TTC7A: variants seen among roughly 807,000 people sequenced by gnomAD.
TTC7A encodes the protein tetratricopeptide repeat domain 7A.
TTC7A carries 110 observed loss-of-function variants against 103.7 expected under a neutral mutation model. That is an observed-to-expected ratio of 1.06 (90% confidence interval 0.91 to 1.24). TTC7A has a LOEUF of 1.24. Ranked by LOEUF, TTC7A falls within the 50% of genes most tolerant of loss-of-function variation. TTC7A has a pLI of 0.00. For missense variants in TTC7A, 1,340 were observed against 1,116.3 expected, an observed-to-expected ratio of 1.20 and a Z score of -2.86; for synonymous variants, 521 against 467.9, an observed-to-expected ratio of 1.11 and a Z score of -1.47.
intron 15 of TTC7A, among the ~76,000 whole-genome samples, chr2:47,032,961 G>T (rs1387948241): frequency 6.7e-6 from 1 of 149,860 alleles, no homozygotes; most frequent in African/African-American, 2.5e-5. Flanking sequence ...TCCATGTACC[G>T]CCAGACTATG....
chr2:46,978,562 T>TAAAAAAAAAAAAAA (rs74444627), intron 4 of TTC7A, among the ~76,000 whole-genome samples: 19 of 132,760 alleles, frequency 1.4e-4, no homozygotes, highest in Middle Eastern at 3.9e-3. Flanking sequence ...CCCTGTTTCT[T>TAAAAAAAAAAAAAA]AAAAAAAAAA....
At chr2:46,939,971 C>T (rs1670198757), upstream of TTC7A, among the ~76,000 whole-genome samples, 2 of 152,132 alleles carry the variant, frequency 1.3e-5, no homozygotes, top group Admixed American at 1.3e-4. Flanking sequence ...CAGAGCAGCA[C>T]CCACCGTTAG....
intron 19 of TTC7A, among the ~76,000 whole-genome samples, chr2:47,066,979 C>G (rs1684231462): frequency 6.6e-6 from 1 of 152,216 alleles, no homozygotes; most frequent in Non-Finnish European, 1.5e-5. Context: ...TTCTTGCTGC[C>G]TCATCCCATG....
chr2:47,046,061 C>T (rs184736621), intron 15 of TTC7A, among the ~76,000 whole-genome samples: 4 of 152,306 alleles, frequency 2.6e-5, no homozygotes, highest in Admixed American at 1.3e-4. Flanking sequence ...TCAGGGGACA[C>T]GGGGCATCAG....
chr2:47,047,765 G>A (rs1346506197), intron 16 of TTC7A, among the ~76,000 whole-genome samples: 24 of 152,224 alleles, frequency 1.6e-4, no homozygotes, highest in Non-Finnish European at 1.5e-5. Flanking sequence ...CTCCCTTGGA[G>A]CAGCAGAACT....
chr2:46,954,726 C>T (rs1316452305), intron 2 of TTC7A, among the ~76,000 whole-genome samples: 3 of 152,034 alleles, frequency 2.0e-5, no homozygotes, highest in African/African-American at 7.3e-5. Context: ...CGCCCACCAC[C>T]ACGCCCGGAT....
rs369047548 is a variant in TTC7A, at chr2:47,060,324, C to T, written c.2153-445C>T. 3.5e-4 allele frequency among the ~76,000 whole-genome samples: 53 copies of T among 152,102 alleles called. No individual in the cohort carries two copies. The South Asian group carries it at 8.3e-3, about 24-fold the overall frequency. ...GGCAGAGGTTACAGTGAGCTGAGAT[C>T]GCGCCACTGCACTGCAGCCTGGACA... On this transcript the variant is annotated intron_variant, in intron 18 of 19. Coordinates refer to ENST00000319190, the MANE Select transcript of TTC7A (RefSeq NM_020458.4).
chr2:46,932,352 T>C (rs1669749875), intron 2 of TTC7A, among the ~76,000 whole-genome samples: 2 of 152,152 alleles, frequency 1.3e-5, no homozygotes, highest in Admixed American at 1.3e-4. Context: ...TTTCACCATG[T>C]TGACCAGGCT....
chr2:46,941,567 C>G lies in TTC7A; in HGVS notation c.26C>G (p.Ser9Cys). MAAKGAHG[S>C]YLKVESELER... ...ATGGCTGCGAAGGGCGCGCACGGCTCCTACCTGAAGGTGGAGAGCGAGCTG... is the reference window on the plus strand; with the variant it reads ...ATGGCTGCGAAGGGCGCGCACGGCTGCTACCTGAAGGTGGAGAGCGAGCTG... The change falls in exon 1 of 20, where the codon TCC becomes TGC. Residue 9 changes from serine (S) to cysteine (C), a missense_variant. By Grantham distance (112) the Ser-to-Cys change is moderately radical. Transcript: ENST00000319190. The surrounding 1 kb of genome is among the most constrained non-coding windows in gnomAD (Gnocchi z 4.2). 2 of 1,557,006 alleles carry G rather than the reference C, an allele frequency of 1.3e-6. No individual in the cohort carries two copies. The highest frequency in any genetic ancestry group is 1.7e-6 in the Non-Finnish European group (2 of 1,150,940).
At chr2:47,032,562 G>A (rs1572970816) in intron 15 of TTC7A, among the ~76,000 whole-genome samples, 2 of 152,116 alleles carry the variant, frequency 1.3e-5, no homozygotes, top group South Asian at 4.1e-4. Flanking sequence ...GATTCTGGAG[G>A]TTATTCTGCA....
intron 8 of TTC7A, 96 bp downstream of exon 8, chr2:46,995,295 A>T (rs946693902): frequency 2.5e-6 from 3 of 1,214,704 alleles, no homozygotes; most frequent in East Asian, 2.5e-5. Flanking sequence ...ACCTAGCCAA[A>T]CTCTGTCTCC....
intron 4 of TTC7A, among the ~76,000 whole-genome samples, chr2:46,976,962 T>C (rs570160712): frequency 4.6e-5 from 7 of 152,360 alleles, no homozygotes; most frequent in African/African-American, 1.7e-4. Context: ...ATGGTTGAGT[T>C]GACCTCCACC....
At chr2:47,038,417 GC>G (rs1183064957) in intron 15 of TTC7A, among the ~76,000 whole-genome samples, 1 of 152,198 alleles carries the variant, frequency 6.6e-6, no homozygotes, top group Non-Finnish European at 1.5e-5. Flanking sequence ...TTACTATGCA[GC>G]CTCTGGCCTC....
At chr2:47,039,608 C>G (rs546997677) in intron 15 of TTC7A, among the ~76,000 whole-genome samples, 2 of 152,182 alleles carry the variant, frequency 1.3e-5, no homozygotes, top group African/African-American at 2.4e-5. Context: ...GGAGTCTCAC[C>G]CTAAGAGCTC....
At chr2:47,061,113 T>G in intron 19 of TTC7A, 142 bp downstream of exon 19, 1 of 842,504 alleles carries the variant, frequency 1.2e-6, no homozygotes, top group South Asian at 1.8e-5. Flanking sequence ...GGGAGGGGGC[T>G]TCCCTCCTGC....
intron 15 of TTC7A, among the ~76,000 whole-genome samples, chr2:47,038,976 A>G (rs1341332900): frequency 6.6e-6 from 1 of 152,190 alleles, no homozygotes; most frequent in Non-Finnish European, 1.5e-5. Context: ...TCGCAGGAAG[A>G]CAGGTCTGAC....
intron 2 of TTC7A, among the ~76,000 whole-genome samples, chr2:46,923,613 C>T (rs1572637159): frequency 6.6e-6 from 1 of 152,154 alleles, no homozygotes; most frequent in Admixed American, 6.5e-5. Flanking sequence ...CAGAATTGAC[C>T]AGGTGTGATG....
upstream of TTC7A, chr2:46,916,026 T>C: frequency 1.0e-6 from 1 of 985,406 alleles, no homozygotes; most frequent in Non-Finnish European, 1.2e-6. Context: ...GTTGGGCCGC[T>C]GGACGCCCTA....
intron 2 of TTC7A, among the ~76,000 whole-genome samples, chr2:46,931,437 G>A (rs1016342575): frequency 1.2e-4 from 18 of 152,194 alleles, no homozygotes; most frequent in Non-Finnish European, 2.9e-5. Context: ...TTAAATTGAG[G>A]ACCTTGAGAT....
Sources: gnomAD v4.1 joint callset for allele counts (sites outside exome capture counted in the v4.1 genomes callset) on GRCh38, gnomAD v4.1.1 for gene constraint, Gnocchi (gnomAD v3.1) non-coding constraint, MANE v1.5 for transcripts, NCBI Gene and HGNC (gene_info 2026-07-23, HGNC 2026-07-21) for gene names.